Variants in TANC2 observed in about 807,000 individuals in gnomAD.
TANC2 encodes tetratricopeptide repeat, ankyrin repeat and coiled-coil containing 2.
In TANC2, 26 loss-of-function variants were observed where a neutral mutation model predicts 210.5. The ratio of observed to expected loss-of-function variants is 0.12; its 90% CI spans 0.09 to 0.17. TANC2 has a LOEUF of 0.17. Ranked by LOEUF, TANC2 falls within the 10% of genes least tolerant of loss-of-function variation. The pLI, the probability that TANC2 is intolerant of heterozygous loss-of-function variation, is 1.00. For missense variants in TANC2, 2,129 were observed against 2,608.9 expected (o/e 0.82, Z 4.01); for synonymous variants, 931 against 967.1 (o/e 0.96, Z 0.69).
At chr17:63,401,001 T>A (rs1352821085) in intron 19 of TANC2, among the ~76,000 whole-genome samples, 3 of 151,968 alleles carry the variant, frequency 2.0e-5, no homozygotes, top group African/African-American at 7.3e-5. Flanking sequence ...TCAGAAAAAA[T>A]TCTGGAAAAT....
At chr17:63,329,672 C>G (rs890071476) in intron 11 of TANC2, among the ~76,000 whole-genome samples, 1 of 152,008 alleles carries the variant, frequency 6.6e-6, no homozygotes, top group Non-Finnish European at 1.5e-5. Context: ...TTGATGTTAC[C>G]ATTGTAATTG....
At chr17:63,258,758 G>T (rs1475012092) in intron 8 of TANC2, among the ~76,000 whole-genome samples, 1 of 152,080 alleles carries the variant, frequency 6.6e-6, no homozygotes, top group South Asian at 2.1e-4. Flanking sequence ...GTCCAAGGCA[G>T]GTCCAGAAAT....
chr17:63,019,756 T>C lies in TANC2; in HGVS notation c.67+10130T>C, dbSNP rs1251300043. On this transcript the variant is annotated intron_variant, in intron 2 of 27. Transcript: ENST00000689528. ...TGTTAATCATCTTTTCATGTACTTA[T>C]TTGCTATTTGCATGTCTTTGGTGAA... Among the ~76,000 whole-genome samples, 6 of 152,200 alleles carry C rather than the reference T, an allele frequency of 3.9e-5. No individual in the cohort carries two copies. In the South Asian group the frequency reaches 1.0e-3, roughly 26 times the overall value.
intron 8 of TANC2, among the ~76,000 whole-genome samples, chr17:63,238,636 A>G (rs1435103450): frequency 6.6e-6 from 1 of 152,158 alleles, no homozygotes; most frequent in Non-Finnish European, 1.5e-5. Flanking sequence ...TAATTCTGCA[A>G]CACCACTAGC....
At chr17:63,259,888 T>C (rs556748366) in intron 8 of TANC2, among the ~76,000 whole-genome samples, 170 of 152,370 alleles carry the variant, frequency 1.1e-3, no homozygotes, top group Non-Finnish European at 2.0e-3. Context: ...TATTTTCTTA[T>C]GAAAAATAGT....
chr17:63,256,233 T>C (rs1293426792), intron 8 of TANC2, among the ~76,000 whole-genome samples: 2 of 152,164 alleles, frequency 1.3e-5, no homozygotes, highest in Non-Finnish European at 2.9e-5. Context: ...TAGGCACTTA[T>C]TGCTGTAAAT....
Position 63,157,091 on chromosome 17 carries a change from G to A in TANC2, c.433+5711G>A, listed in dbSNP as rs566317634. ...TCTGTAGCTAATGAAATTTTAGGAA[G>A]GGGATCGGGGACAATTGTGTTCCTC... is the stretch of plus-strand genomic sequence containing the variant. On this transcript the variant is annotated intron_variant, in intron 5 of 27. Coordinates refer to ENST00000689528, the Ensembl canonical transcript of TANC2. Among the ~76,000 whole-genome samples the A allele has an allele frequency of 1.3e-4, 20 of 152,270 alleles. No homozygotes were observed. The East Asian group carries it at 3.7e-3, about 28-fold the overall frequency.
intron 2 of TANC2, among the ~76,000 whole-genome samples, chr17:63,037,558 A>C (rs917665194): frequency 6.6e-6 from 1 of 152,130 alleles, no homozygotes; most frequent in Non-Finnish European, 1.5e-5. Context: ...TCACCCTTGT[A>C]ATCTCAGCAC....
intron 4 of TANC2, among the ~76,000 whole-genome samples, chr17:63,147,423 AT>A: frequency 6.6e-6 from 1 of 152,290 alleles, no homozygotes; most frequent in Admixed American, 6.5e-5. Flanking sequence ...TGAGGCCTTG[AT>A]TTGTATTTCA....
chr17:63,092,305 C>T (rs2037227265), intron 3 of TANC2, among the ~76,000 whole-genome samples: 3 of 152,014 alleles, frequency 2.0e-5, no homozygotes, highest in South Asian at 4.2e-4. Context: ...TGTTTCCCAA[C>T]TTATATATAC....
intron 2 of TANC2, among the ~76,000 whole-genome samples, chr17:63,049,154 G>A (rs1429170835): frequency 6.6e-6 from 1 of 152,024 alleles, no homozygotes; most frequent in Non-Finnish European, 1.5e-5. Context: ...TAATTCAACA[G>A]CTATTTTTTG....
intron 9 of TANC2, among the ~76,000 whole-genome samples, chr17:63,304,425 G>C (rs1416292415): frequency 2.0e-5 from 3 of 152,164 alleles, no homozygotes; most frequent in Non-Finnish European, 4.4e-5. Context: ...ACTCGAGGAG[G>C]CTGGAGAGCA....
intron 14 of TANC2, among the ~76,000 whole-genome samples, chr17:63,356,701 C>T (rs748335464): frequency 5.9e-5 from 9 of 152,178 alleles, no homozygotes; most frequent in Non-Finnish European, 1.3e-4. Flanking sequence ...AAATTACCTG[C>T]ATATAAATCC....
intron 7 of TANC2, among the ~76,000 whole-genome samples, chr17:63,210,267 C>T (rs1038693746): frequency 6.6e-6 from 1 of 152,170 alleles, no homozygotes; most frequent in African/African-American, 2.4e-5. Flanking sequence ...ACTCCTATTT[C>T]GTATTTCGAG....
At chr17:63,301,626 C>T (rs531108997) in intron 9 of TANC2, among the ~76,000 whole-genome samples, 1 of 152,158 alleles carries the variant, frequency 6.6e-6, no homozygotes, top group African/African-American at 2.4e-5. Flanking sequence ...GTGGTGATAT[C>T]CCTTTTATCA....
chr17:63,427,625 A>G (rs1369666653), exon 28 of TANC2: 1 of 152,278 alleles, frequency 6.6e-6, no homozygotes, highest in South Asian at 2.1e-4. Flanking sequence ...TGCCCCATGT[A>G]TACAGATTGT....
chr17:63,280,966 A>G (rs1008156078), intron 9 of TANC2, among the ~76,000 whole-genome samples: 1 of 152,162 alleles, frequency 6.6e-6, no homozygotes, highest in Non-Finnish European at 1.5e-5. Flanking sequence ...TTGCTAAAGC[A>G]TTTTAAAGCC....
At chr17:63,270,112 G>A (rs2043652949) in intron 9 of TANC2, among the ~76,000 whole-genome samples, 1 of 152,058 alleles carries the variant, frequency 6.6e-6, no homozygotes, top group Non-Finnish European at 1.5e-5. Context: ...TCCATAAAAA[G>A]CAAGGTGTTT....
rs182361332 is a variant in TANC2, at chr17:63,402,412, A to G, written c.3332-2710A>G. Reference sequence around the variant, plus strand: ...GTTCTTTGAGAGCAGTGTCTGACATATAGCTCAATAAGTGTTTTATTAATG... The same window carrying G: ...GTTCTTTGAGAGCAGTGTCTGACATGTAGCTCAATAAGTGTTTTATTAATG... On this transcript the variant is annotated intron_variant, in intron 19 of 27. Coordinates refer to ENST00000689528, the Ensembl canonical transcript of TANC2. Among the ~76,000 whole-genome samples, 284 of 152,294 alleles carry G rather than the reference A, an allele frequency of 1.9e-3. 1 individual carries two copies. Among genetic ancestry groups the G allele is most frequent in the African/African-American group, 6.6e-3 (273 of 41,566 alleles).
Sources: allele counts gnomAD v4.1 joint callset (sites outside exome capture counted in the v4.1 genomes callset), GRCh38; gene constraint gnomAD v4.1.1; transcripts MANE v1.5; gene names NCBI Gene and HGNC (gene_info 2026-07-23, HGNC 2026-07-21).